SLC24A3: variants seen among roughly 807,000 people sequenced by gnomAD.
The protein encoded by SLC24A3 is sodium/potassium/calcium exchanger 3.
In SLC24A3, 28 loss-of-function variants were observed where a neutral mutation model predicts 75.8. The ratio of observed to expected loss-of-function variants is 0.37; its 90% CI spans 0.27 to 0.51. SLC24A3 has a LOEUF of 0.51. SLC24A3 is among the 20% of genes least tolerant of loss of function. The pLI is 0.94. For missense variants in SLC24A3, 663 were observed against 847.8 expected (o/e 0.78, Z 2.71); for synonymous variants, 372 against 334.1 (o/e 1.11, Z -1.24).
chr20:19,677,609 T>A (rs1240709026), intron 9 of SLC24A3, among the ~76,000 whole-genome samples: 2 of 151,956 alleles, frequency 1.3e-5, no homozygotes, highest in African/African-American at 2.4e-5. Context: ...TCATACTAGT[T>A]CATCCACAAA....
chr20:19,243,326 G>T (rs1296238725), intron 1 of SLC24A3, among the ~76,000 whole-genome samples: 2 of 152,176 alleles, frequency 1.3e-5, no homozygotes, highest in East Asian at 3.9e-4. Context: ...AACTGTTACG[G>T]GGTGGGCTAC....
intron 2 of SLC24A3, among the ~76,000 whole-genome samples, chr20:19,459,252 C>T (rs147653183): frequency 1.3e-5 from 2 of 152,296 alleles, no homozygotes; most frequent in African/African-American, 2.4e-5. Flanking sequence ...ACATGTTGGC[C>T]GGTCTTGTTA....
chr20:19,226,993 A>G (rs1267545196), intron 1 of SLC24A3, among the ~76,000 whole-genome samples: 2 of 152,182 alleles, frequency 1.3e-5, no homozygotes, highest in Non-Finnish European at 2.9e-5. Context: ...TTGGATTTCT[A>G]AAGGTGGTAT....
At chr20:19,346,888 T>A (rs1985440705) in intron 2 of SLC24A3, among the ~76,000 whole-genome samples, 1 of 152,158 alleles carries the variant, frequency 6.6e-6, no homozygotes, top group South Asian at 2.1e-4. Flanking sequence ...TAAAGATCAC[T>A]GTTTAAACAC....
At chr20:19,286,631 C>T (rs1200723302) in intron 2 of SLC24A3, among the ~76,000 whole-genome samples, 1 of 152,176 alleles carries the variant, frequency 6.6e-6, no homozygotes, top group Non-Finnish European at 1.5e-5. Context: ...GTGCAGTGCT[C>T]AATACCCATT....
chr20:19,250,525 A>G (rs1021115130), intron 1 of SLC24A3, among the ~76,000 whole-genome samples: 1 of 152,182 alleles, frequency 6.6e-6, no homozygotes, highest in African/African-American at 2.4e-5. Context: ...GAGAATTACC[A>G]TACTCTGAAG....
At chr20:19,400,997 T>G (rs571759744) in intron 2 of SLC24A3, among the ~76,000 whole-genome samples, 1 of 152,328 alleles carries the variant, frequency 6.6e-6, no homozygotes, top group African/African-American at 2.4e-5. Flanking sequence ...CTCTATTTTC[T>G]CAATTTTCAC....
intron 2 of SLC24A3, among the ~76,000 whole-genome samples, chr20:19,343,460 TAGTG>T (rs10607503): frequency 0.011 from 1,642 of 152,240 alleles, 27 homozygotes; most frequent in African/African-American, 0.036. Flanking sequence ...ACCTGGAGCA[TAGTG>T]AGTGCTTCAT....
intron 8 of SLC24A3, 151 bp downstream of exon 8, chr20:19,666,040 G>A: frequency 1.2e-6 from 1 of 835,344 alleles, no homozygotes; most frequent in East Asian, 2.6e-5. Flanking sequence ...GCACACCTCA[G>A]GGGAGAAATT....
intron 9 of SLC24A3, among the ~76,000 whole-genome samples, chr20:19,674,236 A>G (rs1438694069): frequency 1.3e-5 from 2 of 152,250 alleles, no homozygotes; most frequent in Admixed American, 1.3e-4. Context: ...TTTATATGGT[A>G]TTAGTCATCC....
intron 2 of SLC24A3, among the ~76,000 whole-genome samples, chr20:19,492,291 G>T (rs368522393): frequency 6.6e-6 from 1 of 152,290 alleles, no homozygotes; most frequent in East Asian, 1.9e-4. Flanking sequence ...AGAAAACAGG[G>T]TTTTAGATTT....
Position 19,684,198 on chromosome 20 carries a change from A to C in SLC24A3, c.924A>C (p.Ser308=). 6.2e-7 allele frequency: 1 copy of C among 1,613,946 alleles called. No individual in the cohort carries two copies. Among genetic ancestry groups the C allele is most frequent in the Non-Finnish European group, 8.5e-7 (1 of 1,179,848 alleles). The part of the protein sequence containing the change: ...LKKANFHRKA[S]VIMVDELLSA... ...TAGCAAATTTCCACCGCAAAGCATC[A>C]GTGATCATGGTAGACGAGCTGCTGT... Residue 308 remains serine (S), a synonymous_variant, in exon 11 of 17, where the codon TCA becomes TCC. Transcript: ENST00000328041.
At chr20:19,246,080 C>T (rs1295466030) in intron 1 of SLC24A3, among the ~76,000 whole-genome samples, 1 of 152,014 alleles carries the variant, frequency 6.6e-6, no homozygotes, top group Non-Finnish European at 1.5e-5. Flanking sequence ...TCACTTTGTA[C>T]GTGGCCATAA....
intron 6 of SLC24A3, 99 bp downstream of exon 6, chr20:19,585,643 C>G (rs2031284085): frequency 5.2e-6 from 6 of 1,153,268 alleles, no homozygotes; most frequent in Non-Finnish European, 7.6e-6. Context: ...ACACAACTTG[C>G]ATTAGGGCCC....
At chr20:19,447,970 C>T (rs924911891) in intron 2 of SLC24A3, among the ~76,000 whole-genome samples, 2 of 152,236 alleles carry the variant, frequency 1.3e-5, no homozygotes, top group Non-Finnish European at 2.9e-5. Context: ...CATATGACTT[C>T]TTAGGTCCCT....
rs2031274911 is a variant in SLC24A3, at chr20:19,584,954, T to C, written c.424-17T>C. ...GGAATCCCAACTCACCTGTGCTTTG[T>C]CTTTGCTCCTCTGTAGCGCCTGCAC... On this transcript the variant is annotated splice_polypyrimidine_tract_variant and intron_variant, in intron 4 of 16. Transcript: ENST00000328041. 1 of 1,607,328 alleles carries C rather than the reference T, an allele frequency of 6.2e-7. No individual in the cohort carries two copies. The highest frequency in any genetic ancestry group is 1.3e-5 in the African/African-American group (1 of 74,902).
intron 2 of SLC24A3, among the ~76,000 whole-genome samples, chr20:19,351,713 C>T (rs1985569920): frequency 1.3e-5 from 2 of 152,118 alleles, no homozygotes; most frequent in African/African-American, 2.4e-5. Context: ...CCCAAGGCTT[C>T]ATGCACTTCA....
At chr20:19,575,473 A>G (rs2031120484) in intron 3 of SLC24A3, among the ~76,000 whole-genome samples, 1 of 152,214 alleles carries the variant, frequency 6.6e-6, no homozygotes, top group South Asian at 2.1e-4. Context: ...CTCATGGTCC[A>G]GGCTACACAT....
At chr20:19,514,120 C>A (rs944881419) in intron 2 of SLC24A3, among the ~76,000 whole-genome samples, 7 of 152,200 alleles carry the variant, frequency 4.6e-5, no homozygotes, top group African/African-American at 1.7e-4. Flanking sequence ...ATGCAGAGAG[C>A]AGAGCCTTTT....
Sources: allele counts gnomAD v4.1 joint callset (sites outside exome capture counted in the v4.1 genomes callset), GRCh38; gene constraint gnomAD v4.1.1; transcripts MANE v1.5; gene names NCBI Gene and HGNC (gene_info 2026-07-23, HGNC 2026-07-21).